Variants in SMC1A observed in about 807,000 individuals in gnomAD.
SMC1A encodes structural maintenance of chromosomes protein 1A.
In SMC1A, 4 loss-of-function variants were observed where a neutral mutation model predicts 94.5. The observed-to-expected ratio is 0.04, with a 90% CI of 0.02 to 0.10. The LOEUF is 0.10. Ranked by LOEUF, SMC1A falls within the 10% of genes least tolerant of loss-of-function variation. The pLI is 1.00. For synonymous variants in SMC1A, 345 were observed against 347.7 expected (o/e 0.99, Z 0.09); for missense variants, 304 against 989.0 (o/e 0.31, Z 9.29).
At chrX:53,385,257 T>A (rs1189852597) in intron 19 of SMC1A, among the ~76,000 whole-genome samples, 1 of 38,599 alleles carries the variant, frequency 2.6e-5, no homozygotes, top group African/African-American at 4.6e-5. Flanking sequence ...CCAGAATAGG[T>A]TTTTTTTTTT....
intron 15 of SMC1A, among the ~76,000 whole-genome samples, chrX:53,401,638 G>A (rs1435160554): frequency 9.0e-6 from 1 of 110,733 alleles, no homozygotes; most frequent in Non-Finnish European, 1.9e-5. Context: ...ATGCCAAGAT[G>A]AATGACACTG....
At chrX:53,417,883 T>A (rs1322326815) in intron 1 of SMC1A, among the ~76,000 whole-genome samples, 1 of 111,891 alleles carries the variant, frequency 8.9e-6, no homozygotes, top group Non-Finnish European at 1.9e-5. Flanking sequence ...ATTTTCATAA[T>A]AAAACTTGGG....
chrX:53,395,529 T>C (rs1168859251), intron 18 of SMC1A, among the ~76,000 whole-genome samples: 1 of 111,556 alleles, frequency 9.0e-6, no homozygotes, highest in Admixed American at 9.6e-5. Flanking sequence ...GCCCAGAACA[T>C]TTCTGGTATT....
chrX:53,422,025 G>C, intron 1 of SMC1A: 6 of 1,209,797 alleles, frequency 5.0e-6, no homozygotes, highest in Non-Finnish European at 4.5e-6. Flanking sequence ...AATGCGAGGC[G>C]AGAGAGGACG....
intron 19 of SMC1A, 32 bp downstream of exon 19, chrX:53,394,746 A>ACC: frequency 4.6e-6 from 1 of 215,462 alleles, no homozygotes; most frequent in Non-Finnish European, 8.4e-6. Context: ...CCCAACCCCC[A>ACC]CCCCCACCAC....
intron 1 of SMC1A, among the ~76,000 whole-genome samples, chrX:53,421,712 T>C (rs1009547579): frequency 1.8e-5 from 2 of 112,491 alleles, no homozygotes; most frequent in African/African-American, 6.5e-5. Flanking sequence ...TTATCTTCTT[T>C]CCCCTCTGGA....
intron 9 of SMC1A, among the ~76,000 whole-genome samples, chrX:53,406,248 G>A (rs1319888010): frequency 3.6e-5 from 4 of 111,225 alleles, no homozygotes; most frequent in African/African-American, 1.3e-4. Context: ...CAGCCCACTA[G>A]TTCTGTACCC....
chrX:53,422,391 C>T (rs868990779), intron 1 of SMC1A, 101 bp downstream of exon 1: 1 of 601,616 alleles, frequency 1.7e-6, no homozygotes, highest in African/African-American at 2.2e-5. Context: ...CCGTAAGGGT[C>T]CGCGACGTTT....
At chrX:53,396,189 G>A (rs1394492621) in intron 18 of SMC1A, 38 bp downstream of exon 18, 1 of 1,194,504 alleles carries the variant, frequency 8.4e-7, no homozygotes, top group African/African-American at 1.8e-5. Context: ...GGTTAATGAT[G>A]TTCATCGCCC....
In SMC1A at chrX:53,377,304, C is replaced by G. The variant is rs2146578798; in HGVS notation, c.*2799G>C. On this transcript the variant is annotated 3_prime_UTR_variant, in exon 25 of 25. Transcript: ENST00000322213. ...TGTGTGCCAGGGCCTTAGCCTAAGGCATCTCATGTAATCCTTTTTATCCTG... is the reference window on the plus strand; with the variant it reads ...TGTGTGCCAGGGCCTTAGCCTAAGGGATCTCATGTAATCCTTTTTATCCTG... 1 of 112,110 alleles carries G rather than the reference C, an allele frequency of 8.9e-6. No homozygotes were observed. The highest frequency in any genetic ancestry group is 3.2e-5 in the African/African-American group (1 of 30,824). The allele number at this position is 112,110 out of a possible 1,213,427, so 9.2% of individuals were successfully genotyped here.
rs781980688 is a variant in SMC1A, at chrX:53,394,833, T to C, written c.2918A>G (p.Tyr973Cys). ...AATCTCAATGAGGGCCTCTCGTGCA[T>C]AGATACTGGAAATTCTCTGTGAACC... ...VSGSQRISSI[Y>C]AREALIEIDY... The change falls in exon 19 of 25, where the codon TAT becomes TGT. Residue 973 changes from tyrosine (Y) to cysteine (C), a missense_variant. By Grantham distance (194) the Tyr-to-Cys change is radical. Coordinates refer to ENST00000322213, the MANE Select transcript of SMC1A (RefSeq NM_006306.4). 46 of 1,158,788 alleles carry C rather than the reference T, an allele frequency of 4.0e-5. No individual in the cohort carries two copies. Among genetic ancestry groups the C allele is most frequent in the Non-Finnish European group, 5.2e-5 (45 of 864,122 alleles).
chrX:53,407,306 T>A (rs1266827592), intron 9 of SMC1A, among the ~76,000 whole-genome samples: 1 of 111,593 alleles, frequency 9.0e-6, no homozygotes, highest in African/African-American at 3.3e-5. Flanking sequence ...AAGGTTGAAC[T>A]GATCACCGAT....
At chrX:53,384,313 G>GAGTGT (rs1406344153) in intron 19 of SMC1A, among the ~76,000 whole-genome samples, 1 of 107,216 alleles carries the variant, frequency 9.3e-6, no homozygotes, top group East Asian at 2.9e-4. Flanking sequence ...ACCCAAGCTG[G>GAGTGT]AGTGCAATGG....
chrX:53,405,423 G>A, intron 11 of SMC1A, 32 bp from the exon 12 acceptor site: 2 of 1,211,124 alleles, frequency 1.7e-6, no homozygotes, highest in Non-Finnish European at 2.2e-6. Flanking sequence ...GAGAAGAGGG[G>A]GAGAAGCTGA....
intron 19 of SMC1A, among the ~76,000 whole-genome samples, chrX:53,388,455 A>G (rs1439313285): frequency 9.1e-6 from 1 of 109,702 alleles, no homozygotes; most frequent in Non-Finnish European, 1.9e-5. Flanking sequence ...TCAATTGTAA[A>G]TTTTAGGAAA....
intron 22 of SMC1A, 96 bp downstream of exon 22, chrX:53,382,136 A>C (rs2075585663): frequency 5.9e-6 from 6 of 1,013,987 alleles, no homozygotes; most frequent in Non-Finnish European, 8.4e-6. Context: ...CCACCAAACC[A>C]TCACCTTCGC....
intron 15 of SMC1A, among the ~76,000 whole-genome samples, chrX:53,403,171 C>CAAAA (rs59213412): frequency 3.3e-5 from 1 of 30,039 alleles, no homozygotes; most frequent in African/African-American, 1.6e-4. Flanking sequence ...GATCCTGTGT[C>CAAAA]AAAAAAAAAA....
At chrX:53,416,477 G>A (rs2075732894) in intron 1 of SMC1A, among the ~76,000 whole-genome samples, 2 of 105,222 alleles carry the variant, frequency 1.9e-5, no homozygotes, top group Non-Finnish European at 3.9e-5. Flanking sequence ...CACAACCTCC[G>A]ACTCCCTGGT....
intron 20 of SMC1A, 25 bp downstream of exon 20, chrX:53,383,072 G>A (rs2075591401): frequency 8.3e-7 from 1 of 1,198,650 alleles, no homozygotes; most frequent in Admixed American, 2.2e-5. Flanking sequence ...CTCATCGTAG[G>A]CCCAAGTAGA....
Sources: allele counts gnomAD v4.1 joint callset (sites outside exome capture counted in the v4.1 genomes callset), GRCh38; gene constraint gnomAD v4.1.1; transcripts MANE v1.5; gene names NCBI Gene and HGNC (gene_info 2026-07-23, HGNC 2026-07-21).